CNTN1: variants seen among roughly 807,000 people sequenced by gnomAD.
CNTN1 encodes the protein contactin-1.
Under a neutral mutation model 126.4 loss-of-function variants are expected in CNTN1, and 38 were observed. The ratio of observed to expected loss-of-function variants is 0.30; its 90% CI spans 0.23 to 0.39. The LOEUF is 0.39. Ranked by LOEUF, CNTN1 falls within the 10% of genes least tolerant of loss-of-function variation. CNTN1 has a pLI of 1.00. For synonymous variants in CNTN1, 413 were observed against 422.6 expected (o/e 0.98, Z 0.28); for missense variants, 1,009 against 1,248.4 (o/e 0.81, Z 2.89).
intron 1 of CNTN1, among the ~76,000 whole-genome samples, chr12:40,804,653 A>G (rs1325318783): frequency 2.6e-5 from 4 of 151,966 alleles, no homozygotes; most frequent in Admixed American, 1.3e-4. Context: ...TAATGGATTC[A>G]GGTTATAGGG....
In CNTN1 at chr12:41,072,273, T is replaced by C. The variant is rs1950171075; in HGVS notation, c.*2238T>C. 6.6e-6 allele frequency: 1 copy of C among 152,234 alleles called. No individual in the cohort carries two copies. The highest frequency in any genetic ancestry group is 1.5e-5 in the Non-Finnish European group (1 of 68,032). 9.4% of individuals were successfully genotyped at this position (152,234 alleles called of 1,614,324 possible). On this transcript the variant is annotated 3_prime_UTR_variant, in exon 24 of 24. Coordinates refer to ENST00000551295, the MANE Select transcript of CNTN1 (RefSeq NM_001843.4). ...TCAGGAAAGGTGATAGTAGTTTTATTTGATACTGATAAATATTGAATTGAT... is the reference window on the plus strand; with the variant it reads ...TCAGGAAAGGTGATAGTAGTTTTATCTGATACTGATAAATATTGAATTGAT...
At chr12:40,732,448 C>A (rs1942524156) in intron 1 of CNTN1, among the ~76,000 whole-genome samples, 1 of 151,752 alleles carries the variant, frequency 6.6e-6, no homozygotes, top group African/African-American at 2.4e-5. Context: ...TCTCATTATC[C>A]AAAATTCTCA....
rs201485882 is a variant in CNTN1 at position 40,871,186 on chromosome 12, GAAAAAAAAAAAAAAAAA to G, written c.-76-37159_-76-37143del. Among the ~76,000 whole-genome samples, 60 of 113,530 alleles carry G rather than the reference GAAAAAAAAAAAAAAAAA, an allele frequency of 5.3e-4. 1 individual carries two copies. The highest frequency in any genetic ancestry group is 3.5e-3 in the East Asian group (9 of 2,546). The allele number at this position is 113,530 out of a possible 152,430, so 74.5% of individuals were successfully genotyped here. On this transcript the variant is annotated intron_variant, in intron 1 of 23. Transcript: ENST00000551295. ...AGTAGTGACTTGGATCTGTTACAGAGAAAAAAAAAAAAAAAAAAAAAAAAAAAACAGAAGAAGCAGCT... is the reference window on the plus strand; with the variant it reads ...AGTAGTGACTTGGATCTGTTACAGAGAAAAAAAAAAACAGAAGAAGCAGCT...
chr12:40,991,633 T>G (rs1948097604), intron 16 of CNTN1, among the ~76,000 whole-genome samples: 1 of 152,068 alleles, frequency 6.6e-6, no homozygotes, highest in East Asian at 1.9e-4. Context: ...ATCAAGACCA[T>G]CCTGGCTAAC....
intron 3 of CNTN1, among the ~76,000 whole-genome samples, chr12:40,910,351 T>C (rs1437493775): frequency 6.6e-6 from 1 of 152,206 alleles, no homozygotes; most frequent in Non-Finnish European, 1.5e-5. Flanking sequence ...TGGCTGGCTT[T>C]TTTTCCTGCA....
Position 40,939,671 on chromosome 12 carries a change from T to C in CNTN1, c.1379+186T>C. 2.0e-5 allele frequency among the ~76,000 whole-genome samples: 3 copies of C among 152,176 alleles called. No homozygotes were observed. The East Asian group carries it at 5.8e-4, about 29-fold the overall frequency. On this transcript the variant is annotated intron_variant, in intron 12 of 23. Transcript: ENST00000551295. ...GTCAGTATCTATTATAATGAAGGTT[T>C]AATTAACAGGACTCTATAATGTATA...
At chr12:40,731,586 A>G (rs1407580630) in intron 1 of CNTN1, among the ~76,000 whole-genome samples, 2 of 152,026 alleles carry the variant, frequency 1.3e-5, no homozygotes, top group South Asian at 2.1e-4. Context: ...GGAAAGAATG[A>G]AAAGATATAC....
chr12:41,039,682 A>G (rs914584472), intron 23 of CNTN1, among the ~76,000 whole-genome samples: 4 of 152,108 alleles, frequency 2.6e-5, no homozygotes, highest in Non-Finnish European at 5.9e-5. Flanking sequence ...CAACTGGCAT[A>G]ATTATATAAC....
chr12:40,817,515 T>C (rs1208972464), intron 1 of CNTN1, among the ~76,000 whole-genome samples: 1 of 140,896 alleles, frequency 7.1e-6, no homozygotes, highest in Non-Finnish European at 1.5e-5. Context: ...TTTCATTTCC[T>C]TGGTAAATTT....
intron 1 of CNTN1, among the ~76,000 whole-genome samples, chr12:40,882,462 G>A (rs1943901552): frequency 6.6e-6 from 1 of 151,698 alleles, no homozygotes; most frequent in Admixed American, 6.6e-5. Flanking sequence ...GTCCCAGATT[G>A]ATTTTGGTTT....
chr12:40,994,256 G>A (rs539042770), intron 17 of CNTN1, among the ~76,000 whole-genome samples: 81 of 152,146 alleles, frequency 5.3e-4, no homozygotes, highest in African/African-American at 1.8e-3. Flanking sequence ...TCTCTCTGAC[G>A]ATTTTTACTT....
At chr12:41,008,482 T>A (rs888250123) in intron 17 of CNTN1, among the ~76,000 whole-genome samples, 1 of 152,210 alleles carries the variant, frequency 6.6e-6, no homozygotes. Context: ...CTAGGTCATC[T>A]TTTTTAACTT....
At chr12:41,014,855 TTGGC>T (rs1948743416) in intron 18 of CNTN1, among the ~76,000 whole-genome samples, 1 of 152,118 alleles carries the variant, frequency 6.6e-6, no homozygotes, top group South Asian at 2.1e-4. Flanking sequence ...ACAATACATC[TTGGC>T]TGGATTTTTG....
intron 1 of CNTN1, among the ~76,000 whole-genome samples, chr12:40,694,346 G>A (rs1941392269): frequency 6.6e-6 from 1 of 152,144 alleles, no homozygotes; most frequent in African/African-American, 2.4e-5. Context: ...TGATGTATGT[G>A]CATTTATCTT....
At chr12:40,927,036 G>A (rs895590008) in intron 6 of CNTN1, among the ~76,000 whole-genome samples, 1 of 151,938 alleles carries the variant, frequency 6.6e-6, no homozygotes, top group African/African-American at 2.4e-5. Flanking sequence ...GATGTCGGGG[G>A]TGATGGAATA....
intron 23 of CNTN1, among the ~76,000 whole-genome samples, chr12:41,044,169 A>C (rs371328173): frequency 6.6e-6 from 1 of 151,748 alleles, no homozygotes; most frequent in Non-Finnish European, 1.5e-5. Flanking sequence ...ATAAATAAAA[A>C]AATAAAATAA....
rs1430761336 is a variant in CNTN1, at chr12:40,823,973, C to T, written c.-76-84384C>T. On this transcript the variant is annotated intron_variant, in intron 1 of 23. Transcript: ENST00000551295. ...ATCCTTACATTTGCCTTGTTTAGTG[C>T]CTCATCACTTCTGGTGGATTAGAAA... Among the ~76,000 whole-genome samples the T allele has an allele frequency of 3.3e-5, 5 of 152,154 alleles. No homozygotes were observed. In the East Asian group the frequency reaches 9.7e-4, roughly 29 times the overall value.
intron 1 of CNTN1, among the ~76,000 whole-genome samples, chr12:40,848,776 T>C (rs66705576): frequency 0.019 from 2,873 of 151,588 alleles, 31 homozygotes; most frequent in African/African-American, 0.025. Flanking sequence ...TACTGAGTTA[T>C]ACATGATGGT....
chr12:41,047,488 G>A (rs1949570461), intron 23 of CNTN1, among the ~76,000 whole-genome samples: 1 of 152,030 alleles, frequency 6.6e-6, no homozygotes, highest in Admixed American at 6.6e-5. Context: ...CTGGTGGAGG[G>A]TAGTTGACCT....
Sources: allele counts gnomAD v4.1 joint callset (sites outside exome capture counted in the v4.1 genomes callset), GRCh38; gene constraint gnomAD v4.1.1; transcripts MANE v1.5; gene names NCBI Gene and HGNC (gene_info 2026-07-23, HGNC 2026-07-21).